The following RPAP1 variants were observed in gnomAD, a reference collection of about 807,000 sequenced individuals.
The protein encoded by RPAP1 is RNA polymerase II-associated protein 1.
A neutral mutation model predicts 142.4 loss-of-function variants in RPAP1; 109 were observed. That is an observed-to-expected ratio of 0.77 (90% CI 0.66 to 0.90). The LOEUF (loss-of-function observed/expected upper bound fraction) is 0.90, where lower values mean the gene tolerates loss of function less well. Ranked by LOEUF, RPAP1 falls within the 40% of genes least tolerant of loss-of-function variation. The probability of loss-of-function intolerance (pLI) is 0.00; values close to 1 mark genes in which losing one functional copy is unlikely to be tolerated. For missense variants in RPAP1, 1,546 were observed against 1,751.7 expected, an observed-to-expected ratio of 0.88 and a Z score of 2.10; for synonymous variants, 704 against 738.9, an observed-to-expected ratio of 0.95 and a Z score of 0.77.
chr15:41,517,741 G>A, intron 24 of RPAP1, 50 bp from the exon 25 acceptor site: 1 of 1,613,928 alleles, frequency 6.2e-7, no homozygotes, highest in South Asian at 1.1e-5. Flanking sequence ...ATCCTGTTGT[G>A]GTCTCTGTCC....
intron 17 of RPAP1, 30 bp from the exon 18 acceptor site, chr15:41,523,384 T>C: frequency 7.1e-7 from 1 of 1,400,056 alleles, no homozygotes; most frequent in Non-Finnish European, 1.0e-6. Context: ...ACTGAGCTGA[T>C]GGCCCAGCCA....
intron 14 of RPAP1, 101 bp from the exon 15 acceptor site, chr15:41,525,249 C>T (rs964249377): frequency 2.0e-5 from 20 of 977,126 alleles, no homozygotes; most frequent in East Asian, 3.1e-5. Context: ...CTGACCCAGG[C>T]CCCTCTGGTG....
rs754703911 is a variant in RPAP1 at position 41,527,836 on chromosome 15, GC to G, written c.1428+23del. On this transcript the variant is annotated intron_variant, in intron 11 of 24. Coordinates refer to ENST00000304330, the MANE Select transcript of RPAP1 (RefSeq NM_015540.4). Reference sequence around the variant, plus strand: ...TGGACCCTGGCACCTCCCAGCCCAAGCCCCATTCCTATCCCTGTGGTACCTC... The same window carrying G: ...TGGACCCTGGCACCTCCCAGCCCAAGCCCATTCCTATCCCTGTGGTACCTC... 3.1e-6 allele frequency: 5 copies of G among 1,613,542 alleles called. No homozygotes were observed. In the East Asian group the frequency reaches 6.7e-5, roughly 22 times the overall value.
chr15:41,533,116 A>G (rs965450108), intron 6 of RPAP1, among the ~76,000 whole-genome samples: 1 of 151,340 alleles, frequency 6.6e-6, no homozygotes, highest in Non-Finnish European at 1.5e-5. Context: ...AGTTTCTTTC[A>G]TAAGTAAAAT....
intron 1 of RPAP1, among the ~76,000 whole-genome samples, chr15:41,537,624 G>T (rs545374263): frequency 6.6e-6 from 1 of 152,150 alleles, no homozygotes; most frequent in Non-Finnish European, 1.5e-5. Context: ...GCTCACGCCC[G>T]TAATCCCAGC....
chr15:41,520,306 T>C, intron 22 of RPAP1, 85 bp downstream of exon 22: 1 of 1,446,506 alleles, frequency 6.9e-7, no homozygotes, highest in Non-Finnish European at 9.6e-7. Context: ...GAAGCTGAGG[T>C]CTTCCAAAGC....
At position 41,528,309 on chromosome 15, in the gene RPAP1, A is replaced by T; in HGVS notation, c.1186T>A (p.Phe396Ile). ...ERAGYSLQELFHLTRSQVSQQ... is the reference protein window; with the variant it reads ...ERAGYSLQELIHLTRSQVSQQ... The stretch of plus-strand genomic sequence containing the variant: ...GAAACCTGGCTGCGGGTCAGGTGGA[A>T]CAGCTCCTGTAGGGAATACCCCGCT... The change falls in exon 10 of 25, where the codon TTC (phenylalanine) becomes ATC (isoleucine). Residue 396 changes from phenylalanine to isoleucine, a missense_variant. Transcript: ENST00000304330. 1 of 1,601,994 alleles carries T rather than the reference A, an allele frequency of 6.2e-7. No homozygotes were observed. The highest frequency in any genetic ancestry group is 1.3e-5 in the African/African-American group (1 of 74,898).
chr15:41,533,838 T>TAAA (rs35094310), intron 6 of RPAP1, among the ~76,000 whole-genome samples: 2 of 127,416 alleles, frequency 1.6e-5, no homozygotes, highest in African/African-American at 3.2e-5. Flanking sequence ...AAATCCGTCT[T>TAAA]AAAAAAAAAA....
chr15:41,520,352 C>T (rs1354654411), intron 22 of RPAP1, 39 bp downstream of exon 22: 3 of 1,609,880 alleles, frequency 1.9e-6, no homozygotes, highest in African/African-American at 2.7e-5. Flanking sequence ...AGGCCCAGTG[C>T]AGGGTACCCT....
At chr15:41,542,039 G>C (rs2051976876) in intron 1 of RPAP1, among the ~76,000 whole-genome samples, 1 of 152,142 alleles carries the variant, frequency 6.6e-6, no homozygotes, top group Non-Finnish European at 1.5e-5. Context: ...AAAATTTTTT[G>C]AGAGTTTACT....
chr15:41,540,953 A>G (rs1661810852), intron 1 of RPAP1, among the ~76,000 whole-genome samples: 1 of 152,092 alleles, frequency 6.6e-6, no homozygotes, highest in Non-Finnish European at 1.5e-5. Context: ...CCTGGCTTTT[A>G]CCCACTAGAC....
chr15:41,521,274 TC>T (rs930550939), intron 21 of RPAP1, 127 bp from the exon 22 acceptor site: 2 of 893,524 alleles, frequency 2.2e-6, no homozygotes, highest in Non-Finnish European at 3.3e-6. Flanking sequence ...CTTAACTACT[TC>T]CCGCGCAGTG....
Position 41,521,958 on chromosome 15 carries a change from G to A in RPAP1, c.2896-78C>T, listed in dbSNP as rs940386952. On this transcript the variant is annotated intron_variant, in intron 20 of 24. Coordinates refer to ENST00000304330, the MANE Select transcript of RPAP1 (RefSeq NM_015540.4). ...GAGAGAAGTGAGGAAGAGGATAAAA[G>A]TGAGGCTGAAGGGCAGAGGTCCAGG... The A allele has an allele frequency of 5.4e-5, 85 of 1,576,232 alleles. 3 individuals are homozygous for A. The South Asian group carries it at 8.4e-4, about 16-fold the overall frequency.
chr15:41,536,530 G>A lies in RPAP1; in HGVS notation c.301C>T (p.His101Tyr). 6.2e-7 allele frequency: 1 copy of A among 1,614,180 alleles called. No individual in the cohort carries two copies. Among genetic ancestry groups the A allele is most frequent in the Non-Finnish European group, 8.5e-7 (1 of 1,180,032 alleles). ...PEERLRRHDQ[H>Y]ITAVLTKIIE... ...ATCTTAGTCAAGACAGCAGTGATGTGCTGATCATGCCTCCTCAGCCTCTCT... is the reference window on the plus strand; with the variant it reads ...ATCTTAGTCAAGACAGCAGTGATGTACTGATCATGCCTCCTCAGCCTCTCT... The change falls in exon 3 of 25, where the codon CAC (histidine) becomes TAC (tyrosine). Residue 101 changes from histidine (H) to tyrosine (Y), a missense_variant. Physicochemically the swap from His to Tyr is moderately conservative, Grantham distance 83. Coordinates refer to ENST00000304330, the MANE Select transcript of RPAP1 (RefSeq NM_015540.4).
In RPAP1 at chr15:41,518,159, G is replaced by GT. The variant is rs1466218147; in HGVS notation, c.3818dup (p.Tyr1273Ter). The change falls in exon 23 of 25, where the codon TAC becomes TAAC. Residue 1273 changes from tyrosine (Y) to a stop codon, truncating the protein, a stop_gained and frameshift_variant. Coordinates refer to ENST00000304330, the MANE Select transcript of RPAP1 (RefSeq NM_015540.4). LOFTEE classifies it high-confidence loss of function. ...CCAGGTTGTCTTCAGGAGGCACTGT[G>GT]TAACACTCCAGGGACACAGGCAACT... The part of the protein sequence containing the change: ...LTQLPVSLEC[Y>*]TVPPEDNLAL... 1 of 1,581,514 alleles carries GT rather than the reference G, an allele frequency of 6.3e-7. No homozygotes were observed. Among genetic ancestry groups the GT allele is most frequent in the African/African-American group, 1.4e-5 (1 of 72,868 alleles).
At position 41,529,899 on chromosome 15, in the gene RPAP1, C is replaced by T; in HGVS notation, c.1024G>A (p.Asp342Asn). 1.2e-6 allele frequency: 2 copies of T among 1,613,122 alleles called. No homozygotes were observed. Among genetic ancestry groups the T allele is most frequent in the Non-Finnish European group, 8.5e-7 (1 of 1,179,482 alleles). Reference sequence around the variant, plus strand: ...TGCTGCCGCCGGACAGGGGGCAAGTCCTGGGTCCAGTGGAGCTTCTCCAGC... The same window carrying T: ...TGCTGCCGCCGGACAGGGGGCAAGTTCTGGGTCCAGTGGAGCTTCTCCAGC... ...VELEKLHWTQ[D>N]LPPVRRQQTQ... Residue 342 changes from aspartate (D) to asparagine (N), a missense_variant, in exon 8 of 25, where the codon GAC (aspartate) becomes AAC (asparagine). By Grantham distance (23) the Asp-to-Asn change is conservative. This residue lies in a region of RPAP1 where 1,333 missense variants were observed against 1,486.6 expected (regional missense o/e 0.90). Coordinates refer to ENST00000304330, the MANE Select transcript of RPAP1 (RefSeq NM_015540.4).
At position 41,521,028 on chromosome 15, in the gene RPAP1, G is replaced by C. The variant is rs1237561316; in HGVS notation, c.3158C>G (p.Pro1053Arg). 6.3e-7 allele frequency: 1 copy of C among 1,599,168 alleles called. No individual in the cohort carries two copies. The highest frequency in any genetic ancestry group is 8.5e-7 in the Non-Finnish European group (1 of 1,172,682). Residue 1053 changes from proline (P) to arginine (R), a missense_variant, in exon 22 of 25, where the codon CCC becomes CGC. Physicochemically the swap from Pro to Arg is moderately radical, Grantham distance 103 (BLOSUM62 -2). Around this residue, in one of 3 missense-constraint regions of RPAP1, gnomAD observed 1,333 missense variants for 1,486.6 expected, o/e 0.90. Transcript: ENST00000304330. ...AGTCAGGTAGCAGTTGCGGATGCTG[G>C]GGAGGTCCTGGCAGGCCTGAGCCAG... ...TLLAQACQDL[P>R]SIRNCYLTHC...
At chr15:41,542,175 C>G (rs1297461561) in intron 1 of RPAP1, among the ~76,000 whole-genome samples, 1 of 152,172 alleles carries the variant, frequency 6.6e-6, no homozygotes, top group African/African-American at 2.4e-5. Flanking sequence ...TTAATAATTT[C>G]CCACTTCATT....
intron 1 of RPAP1, among the ~76,000 whole-genome samples, chr15:41,539,445 C>T (rs1423813454): frequency 3.9e-5 from 6 of 152,112 alleles, no homozygotes; most frequent in Non-Finnish European, 7.4e-5. Context: ...CAGGCGCCCA[C>T]CACCATGCCT....
Sources: gnomAD v4.1 joint callset for allele counts (sites outside exome capture counted in the v4.1 genomes callset) on GRCh38, gnomAD v4.1.1 for gene constraint, gnomAD v4.1.1 regional missense constraint, MANE v1.5 for transcripts, NCBI Gene and HGNC (gene_info 2026-07-23, HGNC 2026-07-21) for gene names.